HS6ST3: variants seen among roughly 807,000 people sequenced by gnomAD.
The protein encoded by HS6ST3 is heparan sulfate 6-O-sulfotransferase 3, also known as heparan-sulfate 6-O-sulfotransferase 3.
HS6ST3 carries 12 observed loss-of-function variants against 36.7 expected under a neutral mutation model. The ratio of observed to expected loss-of-function variants is 0.33; its 90% CI spans 0.21 to 0.53. HS6ST3 has a LOEUF of 0.53. Among genes scored for constraint, HS6ST3 ranks in the 20% least tolerant of loss-of-function variants. HS6ST3 has a pLI of 0.95. For synonymous variants in HS6ST3, 240 were observed against 257.5 expected (o/e 0.93, Z 0.65); for missense variants, 584 against 640.9 (o/e 0.91, Z 0.96).
chr13:96,611,840 G>A (rs777119470), intron 1 of HS6ST3, among the ~76,000 whole-genome samples: 16 of 152,172 alleles, frequency 1.1e-4, no homozygotes, highest in Non-Finnish European at 2.2e-4. Flanking sequence ...GGGTCAACAG[G>A]AAGCACCTTG....
Position 96,112,039 on chromosome 13 carries a change from G to T in HS6ST3, c.707+20470G>T, listed in dbSNP as rs1336571134. Among the ~76,000 whole-genome samples, 7 of 152,298 alleles carry T rather than the reference G, an allele frequency of 4.6e-5. No individual in the cohort carries two copies. The East Asian group carries it at 1.4e-3, about 29-fold the overall frequency. On this transcript the variant is annotated intron_variant, in intron 1 of 1. Transcript: ENST00000376705. Reference sequence around the variant, plus strand: ...AAGTGATGAGGTAGAGTTAGTCCCAGATATAAACCATGTTGGAAACAAAAT... The same window carrying T: ...AAGTGATGAGGTAGAGTTAGTCCCATATATAAACCATGTTGGAAACAAAAT...
intron 1 of HS6ST3, among the ~76,000 whole-genome samples, chr13:96,542,776 G>A (rs2056183248): frequency 6.6e-6 from 1 of 152,256 alleles, no homozygotes; most frequent in South Asian, 2.1e-4. Context: ...TCAATCTCTA[G>A]GAGATATTTT....
At chr13:96,521,181 T>C (rs1393630450) in intron 1 of HS6ST3, among the ~76,000 whole-genome samples, 1 of 152,236 alleles carries the variant, frequency 6.6e-6, no homozygotes, top group Admixed American at 6.5e-5. Context: ...GAACCAGCCT[T>C]GCATCCCAGG....
intron 1 of HS6ST3, among the ~76,000 whole-genome samples, chr13:96,317,348 A>ATATAAAAT (rs1555297603): frequency 3.3e-5 from 1 of 30,456 alleles, no homozygotes; most frequent in African/African-American, 1.4e-4. Context: ...ATATATATAT[A>ATATAAAAT]TATATATATA....
intron 1 of HS6ST3, among the ~76,000 whole-genome samples, chr13:96,292,977 T>C (rs916648453): frequency 6.6e-6 from 1 of 152,062 alleles, no homozygotes; most frequent in African/African-American, 2.4e-5. Flanking sequence ...GGATGATGAT[T>C]AGTGATGATG....
intron 1 of HS6ST3, among the ~76,000 whole-genome samples, chr13:96,503,339 G>T (rs559907715): frequency 6.6e-6 from 1 of 152,258 alleles, no homozygotes; most frequent in Admixed American, 6.5e-5. Flanking sequence ...GTGAGGCCTA[G>T]GTCAGGGCAG....
At chr13:96,474,899 A>G (rs2055856146) in intron 1 of HS6ST3, among the ~76,000 whole-genome samples, 3 of 152,222 alleles carry the variant, frequency 2.0e-5, no homozygotes, top group African/African-American at 4.8e-5. Flanking sequence ...GCATAAGATC[A>G]AATAGAAAGT....
intron 1 of HS6ST3, among the ~76,000 whole-genome samples, chr13:96,182,640 T>C (rs1206037997): frequency 6.6e-6 from 1 of 152,228 alleles, no homozygotes; most frequent in Non-Finnish European, 1.5e-5. Context: ...GTACCTGTTA[T>C]GAACAAAGGC....
In HS6ST3 at chr13:96,091,358, G is replaced by C; in HGVS notation, c.496G>C (p.Val166Leu). The change falls in exon 1 of 2, where the codon GTG becomes CTG. Residue 166 changes from valine (V) to leucine (L), a missense_variant. Physicochemically the swap from Val to Leu is conservative, Grantham distance 32 (BLOSUM62 1). Coordinates refer to ENST00000376705, the MANE Select transcript of HS6ST3 (RefSeq NM_153456.4). The stretch of plus-strand genomic sequence containing the variant: ...GGGCACCACTTTCGGCCGGCACCTG[G>C]TGAAGAACATCCGGCTGGAGCAGCC... ...TGGTTFGRHL[V>L]KNIRLEQPCS... The C allele has an allele frequency of 6.2e-7, 1 of 1,614,114 alleles. No individual in the cohort carries two copies. Among genetic ancestry groups the C allele is most frequent in the East Asian group, 2.2e-5 (1 of 44,850 alleles).
chr13:96,378,249 C>T (rs1295837173), intron 1 of HS6ST3, among the ~76,000 whole-genome samples: 3 of 152,156 alleles, frequency 2.0e-5, no homozygotes, highest in Non-Finnish European at 4.4e-5. Flanking sequence ...TTCAGTCCTG[C>T]AGTGTCATGA....
At chr13:96,606,266 C>T (rs749805203) in intron 1 of HS6ST3, among the ~76,000 whole-genome samples, 24 of 152,110 alleles carry the variant, frequency 1.6e-4, no homozygotes, top group Admixed American at 1.3e-4. Context: ...AAGACACATG[C>T]ACTCGTATGT....
At chr13:96,221,402 G>A (rs1258226212) in intron 1 of HS6ST3, among the ~76,000 whole-genome samples, 1 of 152,176 alleles carries the variant, frequency 6.6e-6, no homozygotes, top group Non-Finnish European at 1.5e-5. Flanking sequence ...TAGAATTCAA[G>A]CTAGGGATTC....
At chr13:96,149,421 C>T (rs1330139077) in intron 1 of HS6ST3, among the ~76,000 whole-genome samples, 1 of 152,002 alleles carries the variant, frequency 6.6e-6, no homozygotes, top group African/African-American at 2.4e-5. Context: ...AGTGTGACCT[C>T]CCATTTTCCT....
At chr13:96,712,399 T>C (rs1053716055) in intron 1 of HS6ST3, among the ~76,000 whole-genome samples, 1 of 152,202 alleles carries the variant, frequency 6.6e-6, no homozygotes, top group African/African-American at 2.4e-5. Flanking sequence ...CTTGGAGCTA[T>C]GGAATGAGTT....
At chr13:96,561,440 A>G (rs1366841374) in intron 1 of HS6ST3, among the ~76,000 whole-genome samples, 7 of 152,154 alleles carry the variant, frequency 4.6e-5, no homozygotes, top group African/African-American at 1.7e-4. Context: ...TCCTAGAAGA[A>G]AGCCTAGGAA....
At chr13:96,259,941 AGC>A (rs2054655914) in intron 1 of HS6ST3, among the ~76,000 whole-genome samples, 1 of 152,154 alleles carries the variant, frequency 6.6e-6, no homozygotes, top group East Asian at 1.9e-4. Context: ...TTGGGTATGT[AGC>A]AATATTTTTC....
intron 1 of HS6ST3, among the ~76,000 whole-genome samples, chr13:96,675,682 A>G (rs1406457728): frequency 2.0e-5 from 3 of 152,182 alleles, no homozygotes; most frequent in Admixed American, 2.0e-4. Context: ...ATTGAGTTAC[A>G]TGACAATGTT....
intron 1 of HS6ST3, among the ~76,000 whole-genome samples, chr13:96,511,012 C>T (rs578256304): frequency 1.4e-4 from 22 of 152,072 alleles, no homozygotes; most frequent in Middle Eastern, 3.4e-3. Flanking sequence ...AATTTTTTGT[C>T]CAAAATGGGA....
intron 1 of HS6ST3, among the ~76,000 whole-genome samples, chr13:96,312,767 C>T (rs1156662123): frequency 6.6e-6 from 1 of 151,794 alleles, no homozygotes; most frequent in African/African-American, 2.4e-5. Context: ...GCCTGGCCAA[C>T]GTGATGAAAC....
Sources: allele counts gnomAD v4.1 joint callset (sites outside exome capture counted in the v4.1 genomes callset), GRCh38; gene constraint gnomAD v4.1.1; transcripts MANE v1.5; gene names NCBI Gene and HGNC (gene_info 2026-07-23, HGNC 2026-07-21).